Variants in CSMD1 observed in about 807,000 individuals in gnomAD.
The protein encoded by CSMD1 is CUB and sushi domain-containing protein 1.
A neutral mutation model predicts 417.5 loss-of-function variants in CSMD1; 213 were observed. The ratio of observed to expected loss-of-function variants is 0.51; its 90% confidence interval spans 0.46 to 0.57. CSMD1 has a LOEUF of 0.57. Among genes scored for constraint, CSMD1 ranks in the 20% least tolerant of loss-of-function variants. The pLI, the probability that CSMD1 is intolerant of heterozygous loss-of-function variation, is 0.00. For synonymous variants in CSMD1, 2,862 were observed against 1,736.8 expected, an observed-to-expected ratio of 1.65 and a Z score of -16.11; for missense variants, 6,923 against 4,529.7, an observed-to-expected ratio of 1.53 and a Z score of -15.17.
intron 3 of CSMD1, among the ~76,000 whole-genome samples, chr8:4,271,130 C>T (rs1322807310): frequency 6.6e-6 from 1 of 152,144 alleles, no homozygotes; most frequent in African/African-American, 2.4e-5. Flanking sequence ...CTGCCTGGAG[C>T]TTACTCTGAA....
intron 1 of CSMD1, among the ~76,000 whole-genome samples, chr8:4,741,030 G>C (rs1219492321): frequency 2.0e-5 from 3 of 152,154 alleles, no homozygotes; most frequent in Non-Finnish European, 4.4e-5. Context: ...GAAAGTCCTA[G>C]TAATTGCTTT....
intron 7 of CSMD1, among the ~76,000 whole-genome samples, chr8:3,646,310 T>C (rs1797568654): frequency 6.6e-6 from 1 of 152,178 alleles, no homozygotes; most frequent in Non-Finnish European, 1.5e-5. Context: ...ATACTAAATA[T>C]ACTAAAATAT....
intron 3 of CSMD1, among the ~76,000 whole-genome samples, chr8:4,412,395 T>C (rs1279708343): frequency 6.6e-6 from 1 of 152,180 alleles, no homozygotes; most frequent in Non-Finnish European, 1.5e-5. Flanking sequence ...TTGCCATGTG[T>C]TGCGCTGGCT....
intron 3 of CSMD1, among the ~76,000 whole-genome samples, chr8:4,236,391 C>G (rs969311507): frequency 2.0e-5 from 3 of 152,138 alleles, no homozygotes; most frequent in East Asian, 1.9e-4. Context: ...GAAGACGAGA[C>G]GAAGCACCCA....
At chr8:4,336,580 C>G (rs1004110015) in intron 3 of CSMD1, among the ~76,000 whole-genome samples, 9 of 152,154 alleles carry the variant, frequency 5.9e-5, no homozygotes, top group Non-Finnish European at 1.2e-4. Context: ...CCTGGTGAAG[C>G]ATGAATTTAT....
rs1471958363 is a variant in CSMD1 at position 3,359,142 on chromosome 8, G to A, written c.3304+10C>T. Reference sequence around the variant, plus strand: ...ATGGATGAATGAAATGAAAGCGTGTGACCACCTACCCACACACCTTGGCAG... The same window carrying A: ...ATGGATGAATGAAATGAAAGCGTGTAACCACCTACCCACACACCTTGGCAG... On this transcript the variant is annotated intron_variant, in intron 21 of 69. Coordinates refer to ENST00000635120, the MANE Select transcript of CSMD1 (RefSeq NM_033225.6). 4.3e-6 allele frequency: 7 copies of A among 1,613,608 alleles called. No individual in the cohort carries two copies. Among genetic ancestry groups the A allele is most frequent in the Non-Finnish European group, 5.9e-6 (7 of 1,179,752 alleles).
chr8:3,390,078 G>T (rs1320488466), intron 17 of CSMD1, among the ~76,000 whole-genome samples: 1 of 152,056 alleles, frequency 6.6e-6, no homozygotes, highest in Non-Finnish European at 1.5e-5. Flanking sequence ...AATTTGGCTG[G>T]GCACGGTGGC....
At chr8:4,892,768 T>C (rs779696238) in intron 1 of CSMD1, among the ~76,000 whole-genome samples, 2 of 152,090 alleles carry the variant, frequency 1.3e-5, no homozygotes, top group Non-Finnish European at 2.9e-5. Flanking sequence ...CTTTGTATTA[T>C]ATAATAATAA....
chr8:4,961,564 A>G (rs1809487347), intron 1 of CSMD1, among the ~76,000 whole-genome samples: 1 of 152,116 alleles, frequency 6.6e-6, no homozygotes, highest in Non-Finnish European at 1.5e-5. Context: ...GAAGACGTTA[A>G]CCATTGTTAT....
intron 2 of CSMD1, among the ~76,000 whole-genome samples, chr8:4,453,971 G>T (rs891479580): frequency 1.3e-5 from 2 of 151,292 alleles, no homozygotes; most frequent in African/African-American, 2.4e-5. Flanking sequence ...ACAGGCGCCC[G>T]CCACCGCGCC....
intron 1 of CSMD1, among the ~76,000 whole-genome samples, chr8:4,701,795 A>G (rs2897681): frequency 0.67 from 101,884 of 151,824 alleles, 35,494 homozygotes; most frequent in African/African-American, 0.86. Flanking sequence ...GGAAGATTTA[A>G]TGAAGATGCA....
At chr8:4,673,403 G>A (rs540062691) in intron 1 of CSMD1, among the ~76,000 whole-genome samples, 107 of 152,128 alleles carry the variant, frequency 7.0e-4, no homozygotes, top group Non-Finnish European at 1.3e-3. Context: ...CATCTGTAAG[G>A]ATTATCCTCC....
intron 2 of CSMD1, among the ~76,000 whole-genome samples, chr8:4,424,397 A>C (rs1002617119): frequency 1.3e-5 from 2 of 152,026 alleles, no homozygotes; most frequent in African/African-American, 4.8e-5. Context: ...AAGTCAGGTG[A>C]CCTAAAGGAC....
At chr8:3,260,260 C>T (rs1001348381) in intron 26 of CSMD1, among the ~76,000 whole-genome samples, 1 of 152,134 alleles carries the variant, frequency 6.6e-6, no homozygotes, top group Non-Finnish European at 1.5e-5. Context: ...AGTTGCTCTT[C>T]AGGGTGAGAT....
intron 3 of CSMD1, among the ~76,000 whole-genome samples, chr8:4,195,797 G>T (rs909914041): frequency 1.1e-4 from 17 of 152,110 alleles, no homozygotes; most frequent in Admixed American, 7.2e-4. Context: ...AATGAGCTTG[G>T]ATGCACAGTC....
intron 1 of CSMD1, among the ~76,000 whole-genome samples, chr8:4,849,763 G>T (rs1398302359): frequency 6.6e-6 from 1 of 152,038 alleles, no homozygotes; most frequent in African/African-American, 2.4e-5. Context: ...AAACCATCTT[G>T]GTTTTAGTAA....
At chr8:4,420,127 T>C in intron 2 of CSMD1, 62 bp from the exon 3 acceptor site, 2 of 1,174,546 alleles carry the variant, frequency 1.7e-6, no homozygotes, top group South Asian at 2.6e-5. Flanking sequence ...AAAAAGCTTA[T>C]TTGATGAAGT....
intron 26 of CSMD1, among the ~76,000 whole-genome samples, chr8:3,231,056 G>A (rs1453216839): frequency 6.6e-6 from 1 of 151,982 alleles, no homozygotes; most frequent in Admixed American, 6.6e-5. Context: ...CTCTGCCTGC[G>A]CCTAATCACA....
chr8:2,985,470 T>A (rs1004697589), intron 54 of CSMD1, among the ~76,000 whole-genome samples: 1 of 152,344 alleles, frequency 6.6e-6, no homozygotes. Context: ...GAGACTGGTG[T>A]GATACTGCTA....
Sources: allele counts gnomAD v4.1 joint callset (sites outside exome capture counted in the v4.1 genomes callset), GRCh38; gene constraint gnomAD v4.1.1; transcripts MANE v1.5; gene names NCBI Gene and HGNC (gene_info 2026-07-23, HGNC 2026-07-21).